PLAT: variants seen among roughly 807,000 people sequenced by gnomAD.
PLAT encodes the protein plasminogen activator, tissue type.
A neutral mutation model predicts 74.9 loss-of-function variants in PLAT; 48 were observed. The ratio of observed to expected loss-of-function variants is 0.64; its 90% CI spans 0.51 to 0.82. The LOEUF is 0.82. Among genes scored for constraint, PLAT ranks in the 40% least tolerant of loss-of-function variants. The pLI is 0.00. For missense variants in PLAT, 673 were observed against 736.2 expected (o/e 0.91, Z 0.99); for synonymous variants, 307 against 294.4 (o/e 1.04, Z -0.44).
intron 2 of PLAT, 107 bp from the exon 3 acceptor site, chr8:42,191,521 G>A: frequency 2.2e-6 from 2 of 929,272 alleles, no homozygotes; most frequent in African/African-American, 1.6e-5. Context: ...AGATACCTCT[G>A]CTCAGAGACC....
chr8:42,205,521 C>T lies in PLAT; in HGVS notation c.-27+1973G>A, dbSNP rs1485914606. ...AGCCTGGGCAAAAAGAGTGAAACTC[C>T]GTCTCAAAAAAAAAAGTAGATTCAC... On this transcript the variant is annotated intron_variant, in intron 1 of 13. Coordinates refer to ENST00000220809, the MANE Select transcript of PLAT (RefSeq NM_000930.5). 6.6e-5 allele frequency among the ~76,000 whole-genome samples: 10 copies of T among 151,784 alleles called. No homozygotes were observed. The East Asian group carries it at 9.7e-4, about 15-fold the overall frequency.
chr8:42,196,574 G>A (rs956962685), intron 1 of PLAT, among the ~76,000 whole-genome samples: 5 of 152,168 alleles, frequency 3.3e-5, no homozygotes, highest in South Asian at 2.1e-4. Flanking sequence ...GGTGGGCGTC[G>A]AGGTCTGGGG....
Position 42,187,967 on chromosome 8 carries a change from C to T in PLAT, c.303G>A (p.Leu101=). The change falls in exon 5 of 14, where the codon CTG becomes CTA. Residue 101 remains leucine (L), a synonymous_variant. Coordinates refer to ENST00000220809, the MANE Select transcript of PLAT (RefSeq NM_000930.5). ...ACTGGCACACGAAATCTGAGAAGTA[C>T]AGGGCCTGCTGGCAGGTGCCCCCGT... ...CFNGGTCQQA[L]YFSDFVCQCP... is the part of the protein sequence containing the mutation. The T allele has an allele frequency of 6.2e-7, 1 of 1,613,954 alleles. No homozygotes were observed.
At position 42,175,664 on chromosome 8, in the gene PLAT, C is replaced by G; in HGVS notation, c.*329G>C. 1 of 241,204 alleles carries G rather than the reference C, an allele frequency of 4.1e-6. No homozygotes were observed. The highest frequency in any genetic ancestry group is 8.1e-6 in the Non-Finnish European group (1 of 124,180). The allele number at this position is 241,204 out of a possible 1,614,324, so 14.9% of individuals were successfully genotyped here. The stretch of plus-strand genomic sequence containing the variant: ...TTGTGGTCCTGTTTCCAAAGCTGCT[C>G]ACGGTGACAGGTCAGGAGGTTGGGC... On this transcript the variant is annotated 3_prime_UTR_variant, in exon 14 of 14. Coordinates refer to ENST00000220809, the MANE Select transcript of PLAT (RefSeq NM_000930.5).
At chr8:42,178,040 A>G (rs1055557486) in intron 13 of PLAT, among the ~76,000 whole-genome samples, 3 of 152,206 alleles carry the variant, frequency 2.0e-5, no homozygotes. Flanking sequence ...CCCATACCCC[A>G]GTATCTGGCT....
chr8:42,194,215 TGAGAGA>T (rs140537859), intron 1 of PLAT, among the ~76,000 whole-genome samples: 14 of 119,908 alleles, frequency 1.2e-4, no homozygotes, highest in African/African-American at 2.7e-4. Context: ...TGTGCCTGGC[TGAGAGA>T]GAGAGAGAGA....
chr8:42,204,380 C>T (rs994424176), intron 1 of PLAT, among the ~76,000 whole-genome samples: 5 of 152,150 alleles, frequency 3.3e-5, no homozygotes, highest in East Asian at 1.9e-4. Flanking sequence ...AAAGCAGAAG[C>T]GAAAATCACT....
intron 4 of PLAT, among the ~76,000 whole-genome samples, 182 bp downstream of exon 4, chr8:42,188,752 C>A (rs576269397): frequency 6.6e-6 from 1 of 152,272 alleles, no homozygotes; most frequent in African/African-American, 2.4e-5. Flanking sequence ...CTGCCTCAAC[C>A]TCCCAAGTAG....
chr8:42,186,832 TATC>T (rs925392790), intron 6 of PLAT: 3 of 151,368 alleles, frequency 2.0e-5, no homozygotes, highest in African/African-American at 4.8e-5. Context: ...ATCAATCTTC[TATC>T]ATCTATCAAT....
intron 5 of PLAT, 94 bp downstream of exon 5, chr8:42,187,812 T>C (rs966113666): frequency 4.5e-5 from 42 of 928,882 alleles, no homozygotes; most frequent in Non-Finnish European, 6.8e-5. Flanking sequence ...CCCCCACCCC[T>C]GGCCCTGCCA....
intron 2 of PLAT, 61 bp from the exon 3 acceptor site, chr8:42,191,475 G>A: frequency 1.3e-6 from 2 of 1,529,554 alleles, no homozygotes; most frequent in Non-Finnish European, 1.8e-6. Flanking sequence ...AAGAGTAAAG[G>A]CGGCCAACCC....
rs140537859 is a variant in PLAT at position 42,194,215 on chromosome 8, T to TGAGAGA, written c.-26-1010_-26-1005dup. Among the ~76,000 whole-genome samples, 273 of 119,886 alleles carry TGAGAGA rather than the reference T, an allele frequency of 2.3e-3. 2 individuals are homozygous for TGAGAGA. The highest frequency in any genetic ancestry group is 9.9e-3 in the African/African-American group (217 of 21,888). The allele number at this position is 119,886 out of a possible 152,430, so 78.6% of individuals were successfully genotyped here. A position where few individuals can be genotyped will look rare whatever the true frequency, so the allele number is the denominator to read the frequency against. On this transcript the variant is annotated intron_variant, in intron 1 of 13. Transcript: ENST00000220809. ...TCAGGCATGTGCCACTGTGCCTGGC[T>TGAGAGA]GAGAGAGAGAGAGAGAGAGAGAGAG...
At chr8:42,176,900 CTTTA>C (rs8178798) in intron 13 of PLAT, among the ~76,000 whole-genome samples, 7,885 of 152,082 alleles carry the variant, frequency 0.052, 661 homozygotes, top group African/African-American at 0.18. Context: ...TGTTTTGGGT[CTTTA>C]TTTAGAAGTT....
chr8:42,203,823 G>T (rs1035646709), intron 1 of PLAT, among the ~76,000 whole-genome samples: 5 of 151,818 alleles, frequency 3.3e-5, no homozygotes, highest in Non-Finnish European at 5.9e-5. Context: ...ATAATTAGCT[G>T]GATATGGCAG....
chr8:42,176,822 G>A (rs1289433598), intron 13 of PLAT, among the ~76,000 whole-genome samples: 1 of 152,048 alleles, frequency 6.6e-6, no homozygotes, highest in African/African-American at 2.4e-5. Context: ...TAAATACCAT[G>A]TTTGTTTTTA....
rs1257214193 is a variant in PLAT at position 42,191,414 on chromosome 8, C to T, written c.73G>A (p.Glu25Lys). ...CCTCTTCTGAATCGGGCATGGATTT[C>T]CTGCGAAGAAACCAGAGGTGGAGGA... ...CGAVFVSPSQ[E>K]IHARFRRGAR... Residue 25 changes from glutamate to lysine, a missense_variant and splice_region_variant, in exon 3 of 14, where the codon GAA (glutamate) becomes AAA (lysine). By Grantham distance (56) the Glu-to-Lys change is moderately conservative (BLOSUM62 1). Transcript: ENST00000220809. The T allele has an allele frequency of 2.5e-6, 4 of 1,613,942 alleles. No homozygotes were observed. Among genetic ancestry groups the T allele is most frequent in the Non-Finnish European group, 3.4e-6 (4 of 1,179,960 alleles).
chr8:42,180,173 CAT>C (rs1176503579), intron 11 of PLAT, 67 bp downstream of exon 11: 22 of 1,601,326 alleles, frequency 1.4e-5, no homozygotes, highest in African/African-American at 4.0e-5. Context: ...TGTGTGTAAA[CAT>C]AGGTGAGTGC....
Position 42,188,933 on chromosome 8 carries a change from C to G in PLAT, c.253+1G>C, listed in dbSNP as rs147730332. 2 of 1,612,662 alleles carry G rather than the reference C, an allele frequency of 1.2e-6. No individual in the cohort carries two copies. The highest frequency in any genetic ancestry group is 1.3e-5 in the African/African-American group (1 of 75,022). ...CACCACCTCCCAGCCTCAGTACATACTTTTGACAGGCACTGAGTGGCACTG... is the reference window on the plus strand; with the variant it reads ...CACCACCTCCCAGCCTCAGTACATAGTTTTGACAGGCACTGAGTGGCACTG... On this transcript the variant is annotated splice_donor_variant, in intron 4 of 13. Coordinates refer to ENST00000220809, the MANE Select transcript of PLAT (RefSeq NM_000930.5). LOFTEE classifies it high-confidence loss of function.
chr8:42,176,419 G>A (rs1441025871), intron 13 of PLAT, among the ~76,000 whole-genome samples: 7 of 152,154 alleles, frequency 4.6e-5, no homozygotes, highest in Admixed American at 6.5e-5. Flanking sequence ...ATGTATCTAC[G>A]TGGGCCCAGT....
Sources: gnomAD v4.1 joint callset for allele counts (sites outside exome capture counted in the v4.1 genomes callset) on GRCh38, gnomAD v4.1.1 for gene constraint, MANE v1.5 for transcripts, NCBI Gene and HGNC (gene_info 2026-07-23, HGNC 2026-07-21) for gene names.